Variants in OSBPL9 observed in about 807,000 individuals in gnomAD.
The protein encoded by OSBPL9 is oxysterol binding protein like 9.
In OSBPL9, 40 loss-of-function variants were observed where a neutral mutation model predicts 106.6. The ratio of observed to expected loss-of-function variants is 0.38; its 90% CI spans 0.29 to 0.49. The LOEUF is 0.49. Ranked by LOEUF, OSBPL9 falls within the 20% of genes least tolerant of loss-of-function variation. The pLI, the probability that OSBPL9 is intolerant of heterozygous loss-of-function variation, is 0.97. For synonymous variants in OSBPL9, 269 were observed against 295.4 expected (o/e 0.91, Z 0.92); for missense variants, 609 against 887.2 (o/e 0.69, Z 3.98).
At position 51,729,096 on chromosome 1, in the gene OSBPL9, G is replaced by A. The variant is rs1264898023; in HGVS notation, c.318+15017G>A. Among the ~76,000 whole-genome samples, 1 of 152,156 alleles carries A rather than the reference G, an allele frequency of 6.6e-6. No individual in the cohort carries two copies. The highest frequency in any genetic ancestry group is 2.4e-5 in the African/African-American group (1 of 41,436). On this transcript the variant is annotated intron_variant, in intron 4 of 23. Transcript: ENST00000428468. The surrounding 1 kb of genome is among the most constrained non-coding windows in gnomAD (Gnocchi z 5.1). ...GTCCAGACTTTTGATATAATCTGCA[G>A]TTTGCGCCATTTGGATTCCTGAAGC... is the stretch of plus-strand genomic sequence containing the variant.
the OSBPL9 span, among the ~76,000 whole-genome samples, chr1:51,552,633 AT>A: frequency 3.7e-4 from 55 of 149,740 alleles, no homozygotes; most frequent in African/African-American, 4.2e-4. Flanking sequence ...GACTACTTCA[AT>A]TTTTTTTTTA....
rs140682768 is a variant in OSBPL9 at position 51,748,661 on chromosome 1, C to T, written c.492+263C>T. ...AAATCTTGATAAAAGGTGTCTTCCA[C>T]GCACAGTGGATATGTTATTTCATAT... is the stretch of plus-strand genomic sequence containing the variant. On this transcript the variant is annotated intron_variant, in intron 7 of 23. Transcript: ENST00000428468. 9.3e-4 allele frequency among the ~76,000 whole-genome samples: 141 copies of T among 152,188 alleles called. 1 individual carries two copies. Among genetic ancestry groups the T allele is most frequent in the African/African-American group, 3.1e-3 (129 of 41,516 alleles).
chr1:51,784,762 T>C (rs1571790173), intron 20 of OSBPL9, 180 bp downstream of exon 20: 1 of 726,386 alleles, frequency 1.4e-6, no homozygotes, highest in Non-Finnish European at 2.2e-6. Flanking sequence ...CTAAAACATA[T>C]ATTCAGAGCA....
the OSBPL9 span, among the ~76,000 whole-genome samples, chr1:51,545,598 C>A: frequency 1.3e-5 from 2 of 152,216 alleles, no homozygotes; most frequent in South Asian, 2.1e-4. Context: ...CATAGCAAGA[C>A]CACATCTCTA....
Position 51,652,020 on chromosome 1 carries a change from C to T in OSBPL9, c.141C>T (p.Arg47=). Residue 47 remains arginine, a synonymous_variant, in exon 2 of 24, where the codon CGC becomes CGT. Coordinates refer to ENST00000428468, the MANE Select transcript of OSBPL9 (RefSeq NM_024586.6). ...TSKDKMMRGS[R]RGCVRLRGAV... ...AGGACAAAATGATGAGAGGCTCTCGCAGAGGATGTGTTAGACTCAGAGTGA... is the reference window on the plus strand; with the variant it reads ...AGGACAAAATGATGAGAGGCTCTCGTAGAGGATGTGTTAGACTCAGAGTGA... The T allele has an allele frequency of 2.5e-6, 4 of 1,609,164 alleles. No individual in the cohort carries two copies. Among genetic ancestry groups the T allele is most frequent in the Non-Finnish European group, 3.4e-6 (4 of 1,177,714 alleles).
At chr1:51,619,172 A>G (rs2148618687) in intron 1 of OSBPL9, among the ~76,000 whole-genome samples, 1 of 152,366 alleles carries the variant, frequency 6.6e-6, no homozygotes. Context: ...TGTGATAATC[A>G]GAAAATCCCG....
chr1:51,724,147 T>C (rs1372013037), intron 4 of OSBPL9, among the ~76,000 whole-genome samples: 1 of 152,186 alleles, frequency 6.6e-6, no homozygotes, highest in Non-Finnish European at 1.5e-5. Flanking sequence ...GGTTTTGCCA[T>C]GTTGCCCAGG....
intron 12 of OSBPL9, among the ~76,000 whole-genome samples, chr1:51,767,047 C>G (rs1472786487): frequency 6.6e-6 from 1 of 152,046 alleles, no homozygotes; most frequent in Non-Finnish European, 1.5e-5. Context: ...CCACTGCACT[C>G]TAGCCTGGGC....
chr1:51,636,265 A>G (rs1237498729), intron 1 of OSBPL9, among the ~76,000 whole-genome samples: 1 of 147,282 alleles, frequency 6.8e-6, no homozygotes, highest in East Asian at 2.0e-4. Flanking sequence ...GGCTCAAGTA[A>G]TCCTTCCACC....
chr1:51,589,369 G>A (rs751002670), intron 1 of OSBPL9, among the ~76,000 whole-genome samples: 2 of 152,100 alleles, frequency 1.3e-5, no homozygotes, highest in Admixed American at 6.5e-5. Context: ...GATTACAGGC[G>A]TGAGCCACCA....
rs530322285 is a variant in OSBPL9, at chr1:51,768,912, T to C, written c.938+2931T>C. On this transcript the variant is annotated intron_variant, in intron 12 of 23. Coordinates refer to ENST00000428468, the MANE Select transcript of OSBPL9 (RefSeq NM_024586.6). ...GTTTTTATGTCCAACTAACCCACTC[T>C]GTGTTCCTTTTCTCCCTCAATTTCA... Among the ~76,000 whole-genome samples the C allele has an allele frequency of 8.5e-5, 13 of 152,350 alleles. 1 individual carries two copies. In the South Asian group the frequency reaches 2.1e-3, roughly 24 times the overall value.
At chr1:51,644,359 C>T (rs1042712162) in intron 1 of OSBPL9, among the ~76,000 whole-genome samples, 5 of 151,998 alleles carry the variant, frequency 3.3e-5, no homozygotes, top group Admixed American at 6.5e-5. Context: ...CGGAGTCTTG[C>T]GCTGTTGCCC....
chr1:51,723,916 A>G (rs1341558035), intron 4 of OSBPL9, among the ~76,000 whole-genome samples: 1 of 152,030 alleles, frequency 6.6e-6, no homozygotes, highest in Non-Finnish European at 1.5e-5. Context: ...TTAGTTTTGT[A>G]CAGAATTCTA....
At chr1:51,669,897 G>A in intron 3 of OSBPL9, 1 of 440,164 alleles carries the variant, frequency 2.3e-6, no homozygotes, top group South Asian at 1.6e-5. Flanking sequence ...TGCAGTGTTT[G>A]TCTGTGTAAA....
At chr1:51,536,803 T>A in the OSBPL9 span, among the ~76,000 whole-genome samples, 1 of 152,218 alleles carries the variant, frequency 6.6e-6, no homozygotes, top group Non-Finnish European at 1.5e-5. Context: ...CCTAGTTATA[T>A]GATGTTGTGT....
At chr1:51,717,044 C>A (rs1661197941) in intron 4 of OSBPL9, among the ~76,000 whole-genome samples, 1 of 152,124 alleles carries the variant, frequency 6.6e-6, no homozygotes, top group East Asian at 1.9e-4. Context: ...CAGCTCACTG[C>A]AACCTCTGCC....
At chr1:51,751,343 G>A (rs1408167104) in intron 8 of OSBPL9, among the ~76,000 whole-genome samples, 3 of 151,944 alleles carry the variant, frequency 2.0e-5, no homozygotes, top group South Asian at 2.1e-4. Context: ...GATTACAGGC[G>A]TGAGCTACCA....
intron 2 of OSBPL9, among the ~76,000 whole-genome samples, chr1:51,658,380 T>G (rs1646943939): frequency 6.6e-6 from 1 of 152,142 alleles, no homozygotes; most frequent in Non-Finnish European, 1.5e-5. Flanking sequence ...TTTTTTTTTG[T>G]AATTCATAAT....
At chr1:51,639,668 G>C (rs1267365096) in intron 1 of OSBPL9, among the ~76,000 whole-genome samples, 1 of 152,126 alleles carries the variant, frequency 6.6e-6, no homozygotes, top group Non-Finnish European at 1.5e-5. Context: ...TTCAGAAGGA[G>C]ACCTCACTTT....
Sources: allele counts gnomAD v4.1 joint callset (sites outside exome capture counted in the v4.1 genomes callset), GRCh38; gene constraint gnomAD v4.1.1; non-coding constraint Gnocchi (gnomAD v3.1); transcripts MANE v1.5; gene names NCBI Gene and HGNC (gene_info 2026-07-23, HGNC 2026-07-21).